The following VPS13D variants were observed in gnomAD, a reference collection of about 807,000 sequenced individuals.
VPS13D encodes the protein vacuolar protein sorting 13 homolog D, also known as intermembrane lipid transfer protein VPS13D.
A neutral mutation model predicts 461.9 loss-of-function variants in VPS13D; 187 were observed. The ratio of observed to expected loss-of-function variants is 0.40; its 90% CI spans 0.36 to 0.46. The LOEUF (loss-of-function observed/expected upper bound fraction) is 0.46. Among genes scored for constraint, VPS13D ranks in the 20% least tolerant of loss-of-function variants. VPS13D has a pLI of 0.60. For synonymous variants in VPS13D, 1,951 were observed against 1,986.3 expected, an observed-to-expected ratio of 0.98 and a Z score of 0.47; for missense variants, 4,711 against 5,364.9, an observed-to-expected ratio of 0.88 and a Z score of 3.81.
At chr1:12,253,849 T>G in intron 7 of VPS13D, 23 bp downstream of exon 7, 1 of 1,602,638 alleles carries the variant, frequency 6.2e-7, no homozygotes, top group Admixed American at 1.7e-5. Flanking sequence ...CAGGGAGATT[T>G]GTTGCAAGAC....
intron 58 of VPS13D, 150 bp downstream of exon 58, chr1:12,383,305 C>A: frequency 1.2e-6 from 1 of 817,196 alleles, no homozygotes; most frequent in Non-Finnish European, 1.8e-6. Flanking sequence ...ATCTACCTCA[C>A]AAAGTTGTTA....
intron 60 of VPS13D, among the ~76,000 whole-genome samples, chr1:12,395,558 G>C (rs1347652148): frequency 6.6e-6 from 1 of 152,132 alleles, no homozygotes; most frequent in Non-Finnish European, 1.5e-5. Context: ...TAGCAGATTT[G>C]AGGCTCAGTA....
Position 12,340,175 on chromosome 1 carries a change from A to G in VPS13D, c.8627-1605A>G, listed in dbSNP as rs115220895. On this transcript the variant is annotated intron_variant, in intron 40 of 69. Coordinates refer to ENST00000620676, the MANE Select transcript of VPS13D (RefSeq NM_015378.4). The stretch of plus-strand genomic sequence containing the variant: ...CAGCTACTCCTTAATTTTCTACTTG[A>G]TGAGCACTAATTTTTTTTTTTAAAG... Among the ~76,000 whole-genome samples, 301 of 152,128 alleles carry G rather than the reference A, an allele frequency of 2.0e-3. 1 individual carries two copies. Among genetic ancestry groups the G allele is most frequent in the African/African-American group, 6.4e-3 (264 of 41,474 alleles).
intron 37 of VPS13D, among the ~76,000 whole-genome samples, chr1:12,332,658 T>C (rs1238463373): frequency 6.6e-6 from 1 of 152,168 alleles, no homozygotes; most frequent in Non-Finnish European, 1.5e-5. Flanking sequence ...AATGAGATGG[T>C]AGGGAATGGC....
At chr1:12,484,002 A>T (rs1645760893) in intron 67 of VPS13D, among the ~76,000 whole-genome samples, 1 of 152,108 alleles carries the variant, frequency 6.6e-6, no homozygotes, top group Admixed American at 6.6e-5. Flanking sequence ...CTCTCAAAAA[A>T]AAAAAAATAA....
At chr1:12,288,422 C>G in intron 22 of VPS13D, 109 bp downstream of exon 22, 5 of 966,006 alleles carry the variant, frequency 5.2e-6, no homozygotes, top group Non-Finnish European at 8.2e-6. Flanking sequence ...GTGGCAGTGG[C>G]TTGATTGTGG....
chr1:12,490,664 C>G (rs1445174380), intron 67 of VPS13D, among the ~76,000 whole-genome samples: 1 of 151,632 alleles, frequency 6.6e-6, no homozygotes, highest in Admixed American at 6.6e-5. Flanking sequence ...TAGATGCAGC[C>G]CATGGCATGG....
intron 65 of VPS13D, among the ~76,000 whole-genome samples, chr1:12,441,481 A>G (rs760181177): frequency 6.6e-5 from 10 of 152,332 alleles, no homozygotes; most frequent in Non-Finnish European, 1.5e-4. Flanking sequence ...TGGTCACACA[A>G]CAGTCGGATA....
Position 12,460,110 on chromosome 1 carries a change from T to C in VPS13D, c.12467-91T>C, listed in dbSNP as rs77450232. 2.2e-3 allele frequency: 2,682 copies of C among 1,228,480 alleles called. 38 individuals carry two copies. In the African/African-American group the frequency reaches 0.036, roughly 16 times the overall value. The allele number at this position is 1,228,480 out of a possible 1,614,324, so 76.1% of individuals were successfully genotyped here. On this transcript the variant is annotated intron_variant, in intron 66 of 69. Transcript: ENST00000620676. Reference sequence around the variant, plus strand: ...GGCACAGAGATTAATAGAATGGCCTTAAGTTATCATTCCATAATCAAGGGG... The same window carrying C: ...GGCACAGAGATTAATAGAATGGCCTCAAGTTATCATTCCATAATCAAGGGG...
chr1:12,310,501 T>A (rs554759345), intron 27 of VPS13D, among the ~76,000 whole-genome samples: 10 of 152,260 alleles, frequency 6.6e-5, no homozygotes, highest in African/African-American at 2.4e-4. Flanking sequence ...CCCCTCCCCC[T>A]CTTCAACTTT....
In VPS13D at chr1:12,299,195, CT is replaced by C; in HGVS notation, c.6034-4del. On this transcript the variant is annotated splice_region_variant and splice_polypyrimidine_tract_variant and intron_variant, in intron 24 of 69. Coordinates refer to ENST00000620676, the MANE Select transcript of VPS13D (RefSeq NM_015378.4). The surrounding 1 kb of genome is among the most constrained non-coding windows in gnomAD (Gnocchi z 4.2). ...ATCCTCTGAGTCAGTTTTCCTTCCT[CT>C]TTCAGGTGAGAGATCAAGCCCAGCG... is the stretch of plus-strand genomic sequence containing the variant. The C allele has an allele frequency of 6.4e-7, 1 of 1,562,430 alleles. No individual in the cohort carries two copies.
At chr1:12,320,076 GATCTTATATGTT>G (rs1481173435) in intron 32 of VPS13D, among the ~76,000 whole-genome samples, 1 of 152,216 alleles carries the variant, frequency 6.6e-6, no homozygotes, top group Non-Finnish European at 1.5e-5. Flanking sequence ...GAGTGCTAAG[GATCTTATATGTT>G]ATCCTTTCAG....
intron 60 of VPS13D, among the ~76,000 whole-genome samples, chr1:12,399,306 C>T (rs1644541959): frequency 6.6e-6 from 1 of 151,056 alleles, no homozygotes; most frequent in Non-Finnish European, 1.5e-5. Context: ...AAGTGATTCT[C>T]CTGCCTCAGC....
intron 13 of VPS13D, among the ~76,000 whole-genome samples, chr1:12,263,039 A>G (rs1364904920): frequency 6.6e-6 from 1 of 152,172 alleles, no homozygotes; most frequent in Non-Finnish European, 1.5e-5. Context: ...TGGGTTTATC[A>G]TAACTCCATC....
chr1:12,384,376 C>T (rs1209824937), intron 58 of VPS13D, among the ~76,000 whole-genome samples: 1 of 152,114 alleles, frequency 6.6e-6, no homozygotes, highest in Non-Finnish European at 1.5e-5. Context: ...GAACATGGAG[C>T]AGACTTGCAG....
At chr1:12,462,753 A>G (rs551237176) in intron 67 of VPS13D, among the ~76,000 whole-genome samples, 39 of 152,280 alleles carry the variant, frequency 2.6e-4, no homozygotes, top group African/African-American at 8.9e-4. Flanking sequence ...TTACTTTACT[A>G]TTACCTGCAC....
chr1:12,419,281 T>C (rs1290412668), intron 65 of VPS13D, among the ~76,000 whole-genome samples: 1 of 152,166 alleles, frequency 6.6e-6, no homozygotes, highest in African/African-American at 2.4e-5. Flanking sequence ...TGGGGTTGGG[T>C]TCCTTCATAT....
At chr1:12,489,736 A>G (rs984571987) in intron 67 of VPS13D, among the ~76,000 whole-genome samples, 4 of 152,198 alleles carry the variant, frequency 2.6e-5, no homozygotes, top group African/African-American at 9.7e-5. Context: ...AATAGGTAGC[A>G]TTTTATCGAG....
chr1:12,450,918 TACTGCCACC>T (rs1645255307), intron 65 of VPS13D, among the ~76,000 whole-genome samples: 1 of 152,238 alleles, frequency 6.6e-6, no homozygotes, highest in Admixed American at 6.5e-5. Flanking sequence ...ACAAGGAAGA[TACTGCCACC>T]AGCAATTACT....
Sources: gnomAD v4.1 joint callset for allele counts (sites outside exome capture counted in the v4.1 genomes callset) on GRCh38, gnomAD v4.1.1 for gene constraint, Gnocchi (gnomAD v3.1) non-coding constraint, MANE v1.5 for transcripts, NCBI Gene and HGNC (gene_info 2026-07-23, HGNC 2026-07-21) for gene names.